The following ZNF563 variants were observed in gnomAD, a reference collection of about 807,000 sequenced individuals.
ZNF563 encodes zinc finger protein 563.
A neutral mutation model predicts 48.5 loss-of-function variants in ZNF563; 39 were observed. That is an observed-to-expected ratio of 0.80 (90% CI 0.62 to 1.05). The LOEUF is 1.05. ZNF563 is among the 50% of genes least tolerant of loss of function. The pLI is 0.00. For missense variants in ZNF563, 538 were observed against 597.0 expected (o/e 0.90, Z 1.03); for synonymous variants, 168 against 187.9 (o/e 0.89, Z 0.87).
chr19:12,321,376 TA>T (rs1968619540), intron 2 of ZNF563, 44 bp from the exon 3 acceptor site: 23 of 1,290,486 alleles, frequency 1.8e-5, no homozygotes, highest in Admixed American at 2.6e-5. Flanking sequence ...ATTAGAAAAT[TA>T]TATAAAACAG....
In ZNF563 at chr19:12,322,704, A is replaced by G; in HGVS notation, c.11T>C (p.Val4Ala). ...GTTCACAGCCACATCCTCAAAGGCC[A>G]CTGCGTCCTGAAACATCCCACATAG... MDA[V>A]AFEDVAVNFT... The change falls in exon 2 of 4, where the codon GTG becomes GCG. Residue 4 changes from valine (V) to alanine (A), a missense_variant. Coordinates refer to ENST00000293725, the MANE Select transcript of ZNF563 (RefSeq NM_145276.3). The G allele has an allele frequency of 6.2e-7, 1 of 1,603,900 alleles. No homozygotes were observed. The highest frequency in any genetic ancestry group is 8.5e-7 in the Non-Finnish European group (1 of 1,174,422).
chr19:12,344,449 G>A, the ZNF563 span, among the ~76,000 whole-genome samples: 162 of 150,842 alleles, frequency 1.1e-3, no homozygotes, highest in Non-Finnish European at 1.5e-3. Flanking sequence ...CCACATTAAC[G>A]AAGAAAAGGC....
chr19:12,344,020 C>T, the ZNF563 span, among the ~76,000 whole-genome samples: 4 of 151,854 alleles, frequency 2.6e-5, no homozygotes, highest in South Asian at 2.1e-4. Context: ...TGAGCCACTG[C>T]GCCCAGCCTA....
upstream of ZNF563, among the ~76,000 whole-genome samples, chr19:12,334,023 C>G (rs1968986223): frequency 6.6e-6 from 1 of 152,188 alleles, no homozygotes; most frequent in South Asian, 2.1e-4. Context: ...GAGCCATTCC[C>G]CTGGCCTCAG....
At chr19:12,328,742 C>A (rs958863588) in intron 1 of ZNF563, among the ~76,000 whole-genome samples, 12 of 151,714 alleles carry the variant, frequency 7.9e-5, no homozygotes, top group African/African-American at 2.9e-4. Flanking sequence ...GTACTTAAGC[C>A]TGGGCAACAA....
At chr19:12,327,594 A>G (rs574844787) in intron 1 of ZNF563, among the ~76,000 whole-genome samples, 1 of 152,288 alleles carries the variant, frequency 6.6e-6, no homozygotes, top group East Asian at 1.9e-4. Flanking sequence ...AATGTGTATT[A>G]TCTATATTTA....
chr19:12,320,264 T>A (rs1257623628), intron 3 of ZNF563, among the ~76,000 whole-genome samples: 1 of 152,106 alleles, frequency 6.6e-6, no homozygotes, highest in Admixed American at 6.6e-5. Context: ...CTTCATGCCC[T>A]GTTTGAACAT....
Position 12,317,829 on chromosome 19 carries a change from G to T in ZNF563, c.*765C>A, listed in dbSNP as rs1968474410. On this transcript the variant is annotated 3_prime_UTR_variant, in exon 4 of 4. Transcript: ENST00000293725. ...TACATTCATAGGGTTTATCTCCAAT[G>T]AGAATTATTTCTATCTGAAATGAAA... 2 of 156,288 alleles carry T rather than the reference G, an allele frequency of 1.3e-5. No individual in the cohort carries two copies. Among genetic ancestry groups the T allele is most frequent in the South Asian group, 2.0e-4 (1 of 4,880 alleles). 9.7% of individuals were successfully genotyped at this position (156,288 alleles called of 1,614,324 possible).
chr19:12,323,357 A>C (rs923862502), intron 1 of ZNF563, among the ~76,000 whole-genome samples: 1 of 152,346 alleles, frequency 6.6e-6, no homozygotes, highest in East Asian at 1.9e-4. Flanking sequence ...GAGTAATAAA[A>C]GGTGGGGATT....
the ZNF563 span, among the ~76,000 whole-genome samples, chr19:12,344,501 T>C: frequency 1.3e-5 from 2 of 151,970 alleles, no homozygotes; most frequent in African/African-American, 4.8e-5. Flanking sequence ...GAAAAATAAT[T>C]TGACAAAATT....
At chr19:12,323,572 AG>A (rs1399993947) in intron 1 of ZNF563, among the ~76,000 whole-genome samples, 1 of 152,228 alleles carries the variant, frequency 6.6e-6, no homozygotes, top group Non-Finnish European at 1.5e-5. Context: ...ACCAGCAAGA[AG>A]GTTCTCACCA....
the ZNF563 span, among the ~76,000 whole-genome samples, chr19:12,343,328 G>A: frequency 1.3e-5 from 2 of 152,168 alleles, no homozygotes; most frequent in South Asian, 4.1e-4. Flanking sequence ...GGGTGTGGTG[G>A]TACATTCCTA....
At chr19:12,329,782 A>T (rs1382335656) in intron 1 of ZNF563, among the ~76,000 whole-genome samples, 1 of 152,218 alleles carries the variant, frequency 6.6e-6, no homozygotes, top group African/African-American at 2.4e-5. Flanking sequence ...AATGATAAAT[A>T]TCCCAAGAAA....
Position 12,319,102 on chromosome 19 carries a change from G to T in ZNF563, c.923C>A (p.Pro308His). Residue 308 changes from proline to histidine, a missense_variant, in exon 4 of 4, where the codon CCC becomes CAC. Pro to His is a moderately conservative substitution (Grantham distance 77). Coordinates refer to ENST00000293725, the MANE Select transcript of ZNF563 (RefSeq NM_145276.3). Reference sequence around the variant, plus strand: ...TTTCCCGCATTGCTTACACTCATAGGGTTTCTCTGCACTGTGAGTGGTTTC... The same window carrying T: ...TTTCCCGCATTGCTTACACTCATAGTGTTTCTCTGCACTGTGAGTGGTTTC... ...RHETTHSAEK[P>H]YECKQCGKTF... The T allele has an allele frequency of 1.2e-6, 2 of 1,614,088 alleles. No homozygotes were observed. The highest frequency in any genetic ancestry group is 1.7e-6 in the Non-Finnish European group (2 of 1,180,022).
upstream of ZNF563, among the ~76,000 whole-genome samples, chr19:12,336,483 T>C (rs1368117367): frequency 6.6e-6 from 1 of 152,096 alleles, no homozygotes; most frequent in East Asian, 1.9e-4. Context: ...TCCCAGCTAC[T>C]CAGGAGGCTG....
chr19:12,343,887 C>T, the ZNF563 span, among the ~76,000 whole-genome samples: 4 of 151,770 alleles, frequency 2.6e-5, no homozygotes, highest in African/African-American at 9.7e-5. Context: ...CCCACCACCA[C>T]GCCCGGCTAA....
At position 12,319,078 on chromosome 19, in the gene ZNF563, T is replaced by C. The variant is rs1968523090; in HGVS notation, c.947A>G (p.Lys316Arg). ...EKPYECKQCGKTFHHLGSFQI... is the reference protein window; with the variant it reads ...EKPYECKQCGRTFHHLGSFQI... ...AAAGCTTCCAAGATGATGAAATGTT[T>C]TCCCGCATTGCTTACACTCATAGGG... The change falls in exon 4 of 4, where the codon AAA becomes AGA. Residue 316 changes from lysine (K) to arginine (R), a missense_variant. Coordinates refer to ENST00000293725, the MANE Select transcript of ZNF563 (RefSeq NM_145276.3). 1.2e-6 allele frequency: 2 copies of C among 1,614,216 alleles called. No homozygotes were observed. Among genetic ancestry groups the C allele is most frequent in the East Asian group, 2.2e-5 (1 of 44,886 alleles).
intron 3 of ZNF563, among the ~76,000 whole-genome samples, chr19:12,320,132 G>C (rs994410759): frequency 1.4e-4 from 22 of 152,090 alleles, no homozygotes; most frequent in Admixed American, 6.5e-5. Context: ...TGGCCAGGCT[G>C]TTCTCGAACT....
At chr19:12,328,704 G>A (rs1968852730) in intron 1 of ZNF563, among the ~76,000 whole-genome samples, 2 of 152,114 alleles carry the variant, frequency 1.3e-5, no homozygotes, top group Admixed American at 1.3e-4. Flanking sequence ...AGGAGGTGGA[G>A]GTTGCGGTGA....
Sources: allele counts gnomAD v4.1 joint callset (sites outside exome capture counted in the v4.1 genomes callset), GRCh38; gene constraint gnomAD v4.1.1; transcripts MANE v1.5; gene names NCBI Gene and HGNC (gene_info 2026-07-23, HGNC 2026-07-21).